Variants in RBM19 observed in about 807,000 individuals in gnomAD.
The protein encoded by RBM19 is probable RNA-binding protein 19.
In RBM19, 94 loss-of-function variants were observed where a neutral mutation model predicts 116.8. The ratio of observed to expected loss-of-function variants is 0.80; its 90% confidence interval spans 0.68 to 0.95. RBM19 has a LOEUF of 0.95. Among genes scored for constraint, RBM19 ranks in the 40% least tolerant of loss-of-function variants. RBM19 has a pLI of 0.00. For synonymous variants in RBM19, 475 were observed against 494.1 expected (o/e 0.96, Z 0.51); for missense variants, 1,161 against 1,220.7 (o/e 0.95, Z 0.73).
chr12:113,957,771 TAC>T lies in RBM19; in HGVS notation c.840+9_840+10del. On this transcript the variant is annotated intron_variant, in intron 6 of 23. Coordinates refer to ENST00000261741, the MANE Select transcript of RBM19 (RefSeq NM_016196.4). ...ACCTCCTCCCTCATCACCTGCGGGA[TAC>T]ACACGCACCTCGGCTCTGGCCTCCG... The T allele has an allele frequency of 6.4e-7, 1 of 1,564,590 alleles. No homozygotes were observed. The highest frequency in any genetic ancestry group is 8.7e-7 in the Non-Finnish European group (1 of 1,154,226).
intron 20 of RBM19, among the ~76,000 whole-genome samples, chr12:113,915,620 A>G (rs573864759): frequency 2.4e-4 from 37 of 152,200 alleles, no homozygotes; most frequent in Non-Finnish European, 3.1e-4. Flanking sequence ...CTCCACCAAA[A>G]CAGGGTAGGG....
At position 113,962,265 on chromosome 12, in the gene RBM19, G is replaced by C. The variant is rs1872565830; in HGVS notation, c.186C>G (p.Phe62Leu). 1 of 1,614,164 alleles carries C rather than the reference G, an allele frequency of 6.2e-7. No homozygotes were observed. The highest frequency in any genetic ancestry group is 1.1e-5 in the South Asian group (1 of 91,096). ...GGGATGTGTCGATGAAGCTCTTGTT[G>C]AAATGCTTCTGTGCCTTCTGGGCCT... is the stretch of plus-strand genomic sequence containing the variant. ...EEEAQKAQKH[F>L]NKSFIDTSRI... The change falls in exon 2 of 24, where the codon TTC becomes TTG. Residue 62 changes from phenylalanine to leucine, a missense_variant. Coordinates refer to ENST00000261741, the MANE Select transcript of RBM19 (RefSeq NM_016196.4).
chr12:113,946,564 A>G, intron 11 of RBM19, 89 bp from the exon 12 acceptor site: 1 of 1,567,516 alleles, frequency 6.4e-7, no homozygotes, highest in Admixed American at 1.7e-5. Context: ...TGCCACGAGT[A>G]AGCTGGACCC....
At chr12:113,851,510 G>A (rs751056846) in intron 22 of RBM19, among the ~76,000 whole-genome samples, 2 of 152,178 alleles carry the variant, frequency 1.3e-5, no homozygotes, top group Non-Finnish European at 2.9e-5. Flanking sequence ...CGGGCAGCAC[G>A]GACAGCTGAG....
chr12:113,936,626 C>T (rs1396601916), intron 16 of RBM19, among the ~76,000 whole-genome samples: 1 of 152,222 alleles, frequency 6.6e-6, no homozygotes, highest in Non-Finnish European at 1.5e-5. Flanking sequence ...AGTCACTGGA[C>T]ATCAGAGGGC....
At chr12:113,838,367 A>G (rs1876147766) in intron 23 of RBM19, among the ~76,000 whole-genome samples, 1 of 151,990 alleles carries the variant, frequency 6.6e-6, no homozygotes, top group Admixed American at 6.6e-5. Flanking sequence ...AGAGCATGCA[A>G]ACTCCACAGG....
At chr12:113,851,645 A>G (rs2135728892) in intron 22 of RBM19, among the ~76,000 whole-genome samples, 1 of 152,272 alleles carries the variant, frequency 6.6e-6, no homozygotes, top group South Asian at 2.1e-4. Flanking sequence ...AAGCATAAAT[A>G]AGACAGCAAC....
intron 22 of RBM19, among the ~76,000 whole-genome samples, chr12:113,847,157 C>T (rs866963374): frequency 7.9e-5 from 12 of 152,128 alleles, no homozygotes; most frequent in African/African-American, 2.9e-4. Flanking sequence ...GAGATTTACA[C>T]AAAACGAGCA....
intron 23 of RBM19, among the ~76,000 whole-genome samples, chr12:113,834,864 A>C (rs1407423486): frequency 6.6e-6 from 1 of 152,214 alleles, no homozygotes. Flanking sequence ...TGGAAGCAAC[A>C]CTGTTCTTAA....
At chr12:113,962,530 G>A in intron 1 of RBM19, 116 bp from the exon 2 acceptor site, 1 of 986,910 alleles carries the variant, frequency 1.0e-6, no homozygotes, top group Non-Finnish European at 1.5e-6. Context: ...AGATGAAGAG[G>A]GGCAGAGTGT....
At chr12:113,886,781 C>T (rs996784714) in intron 21 of RBM19, among the ~76,000 whole-genome samples, 4 of 152,200 alleles carry the variant, frequency 2.6e-5, no homozygotes, top group Admixed American at 6.5e-5. Context: ...TATGGGTCCA[C>T]CTCCAAGAGA....
At position 113,915,025 on chromosome 12, in the gene RBM19, G is replaced by T; in HGVS notation, c.2502C>A (p.Ile834=). The T allele has an allele frequency of 1.2e-6, 2 of 1,614,230 alleles. No homozygotes were observed. The highest frequency in any genetic ancestry group is 1.1e-5 in the South Asian group (1 of 91,082). The change falls in exon 21 of 24, where the codon ATC becomes ATA. Residue 834 remains isoleucine, a synonymous_variant. Coordinates refer to ENST00000261741, the MANE Select transcript of RBM19 (RefSeq NM_016196.4). ...QVPRKQTTSK[I]LVRNIPFQAH... ...CCTGGAAGGGGATGTTCCGCACCAG[G>T]ATCTTGGAGGTGGTCTGCTTTCTGG...
At chr12:113,880,186 AAAAC>A (rs1880002885) in intron 21 of RBM19, among the ~76,000 whole-genome samples, 1 of 152,026 alleles carries the variant, frequency 6.6e-6, no homozygotes, top group African/African-American at 2.4e-5. Flanking sequence ...TATGCCCAAA[AAAAC>A]AAAACAAAAC....
Position 113,955,136 on chromosome 12 carries a change from T to C in RBM19, c.916A>G (p.Thr306Ala). ...TGTCCTCAGTTAGCACATACCTCTGTGACATTGAACGGGGCTCCCCGCAGC... is the reference window on the plus strand; with the variant it reads ...TGTCCTCAGTTAGCACATACCTCTGCGACATTGAACGGGGCTCCCCGCAGC... ...VKLRGAPFNV[T>A]EKNVMEFLAP... Residue 306 changes from threonine to alanine, a missense_variant, in exon 7 of 24, where the codon ACA becomes GCA. Thr to Ala is a moderately conservative substitution (Grantham distance 58). Transcript: ENST00000261741. 1 of 1,614,086 alleles carries C rather than the reference T, an allele frequency of 6.2e-7. No homozygotes were observed. Among genetic ancestry groups the C allele is most frequent in the Non-Finnish European group, 8.5e-7 (1 of 1,180,002 alleles).
chr12:113,928,624 G>GGTGTGTGTGTGTGTGTGTGTGTGTGT lies in RBM19; in HGVS notation c.2069-1396_2069-1395insACACACACACACACACACACACACAC, dbSNP rs757641377. 3.7e-5 allele frequency among the ~76,000 whole-genome samples: 2 copies of GGTGTGTGTGTGTGTGTGTGTGTGTGT among 54,270 alleles called. 1 individual carries two copies. Among genetic ancestry groups the GGTGTGTGTGTGTGTGTGTGTGTGTGT allele is most frequent in the African/African-American group, 1.5e-4 (2 of 13,242 alleles). The allele number at this position is 54,270 out of a possible 152,430, so 35.6% of individuals were successfully genotyped here. On this transcript the variant is annotated intron_variant, in intron 16 of 23. Coordinates refer to ENST00000261741, the MANE Select transcript of RBM19 (RefSeq NM_016196.4). ...GATGTGAAGTTGTGAGTTAGCAAGG[G>GGTGTGTGTGTGTGTGTGTGTGTGTGT]ATGTGTGTGTGTGTGTGTGTGTGTG...
chr12:113,856,342 C>T (rs1877900835), intron 22 of RBM19, among the ~76,000 whole-genome samples: 1 of 152,232 alleles, frequency 6.6e-6, no homozygotes, highest in African/African-American at 2.4e-5. Context: ...CTCAATGGCA[C>T]TCACTGCCTT....
intron 21 of RBM19, among the ~76,000 whole-genome samples, chr12:113,872,543 G>A (rs1879320804): frequency 8.1e-6 from 1 of 122,958 alleles, no homozygotes; most frequent in East Asian, 3.3e-4. Flanking sequence ...CCCCCGCCCG[G>A]CCAGCCGCCC....
intron 21 of RBM19, among the ~76,000 whole-genome samples, chr12:113,905,206 C>A (rs1881959018): frequency 6.6e-6 from 1 of 152,258 alleles, no homozygotes; most frequent in Non-Finnish European, 1.5e-5. Flanking sequence ...GATATCAAGT[C>A]TATTACAAAG....
intron 23 of RBM19, among the ~76,000 whole-genome samples, chr12:113,830,583 G>GGGT: frequency 9.9e-6 from 1 of 101,112 alleles, no homozygotes; most frequent in South Asian, 5.6e-4. Flanking sequence ...GGCGGGGGGG[G>GGGT]GGGGGGTGGG....
Sources: allele counts gnomAD v4.1 joint callset (sites outside exome capture counted in the v4.1 genomes callset), GRCh38; gene constraint gnomAD v4.1.1; transcripts MANE v1.5; gene names NCBI Gene and HGNC (gene_info 2026-07-23, HGNC 2026-07-21).